PRKAG2: variants seen among roughly 807,000 people sequenced by gnomAD.
PRKAG2 encodes protein kinase AMP-activated non-catalytic subunit gamma 2.
A neutral mutation model predicts 69.6 loss-of-function variants in PRKAG2; 26 were observed. The ratio of observed to expected loss-of-function variants is 0.37; its 90% CI spans 0.27 to 0.52. PRKAG2 has a LOEUF of 0.52. PRKAG2 is among the 20% of genes least tolerant of loss of function. The pLI, the probability that PRKAG2 is intolerant of heterozygous loss-of-function variation, is 0.90. For missense variants in PRKAG2, 557 were observed against 740.0 expected (o/e 0.75, Z 2.87); for synonymous variants, 293 against 285.0 (o/e 1.03, Z -0.28).
chr7:151,709,335 C>T (rs12668080), intron 3 of PRKAG2, among the ~76,000 whole-genome samples: 7,922 of 151,946 alleles, frequency 0.052, 389 homozygotes, highest in East Asian at 0.12. Flanking sequence ...CATTGAGTGA[C>T]GTGTGACAAT....
At chr7:151,669,934 A>ACATACCTGCATGCACACACACCTGCATG (rs1290710345) in intron 4 of PRKAG2, among the ~76,000 whole-genome samples, 1 of 6,360 alleles carries the variant, frequency 1.6e-4, no homozygotes, top group African/African-American at 5.0e-4. Context: ...ACACCTGTGC[A>ACATACCTGCATGCACACACACCTGCATG]CACACTTGCA....
At chr7:151,712,369 G>A (rs1478431441) in intron 3 of PRKAG2, among the ~76,000 whole-genome samples, 1 of 152,212 alleles carries the variant, frequency 6.6e-6, no homozygotes, top group African/African-American at 2.4e-5. Flanking sequence ...CACCGCAGGA[G>A]ACTGGGTCCC....
rs116222525 is a variant in PRKAG2, at chr7:151,659,407, C to T, written c.684+16013G>A. On this transcript the variant is annotated intron_variant, in intron 4 of 15. Transcript: ENST00000287878. ...GTCAGGTTAACAGGGTAAATGCTGACGATGCACTGAGTCTACTGGTTCTAA... is the reference window on the plus strand; with the variant it reads ...GTCAGGTTAACAGGGTAAATGCTGATGATGCACTGAGTCTACTGGTTCTAA... Among the ~76,000 whole-genome samples, 733 of 152,274 alleles carry T rather than the reference C, an allele frequency of 4.8e-3. 4 individuals carry two copies. Among genetic ancestry groups the T allele is most frequent in the Middle Eastern group, 0.017 (5 of 294 alleles).
intron 3 of PRKAG2, among the ~76,000 whole-genome samples, chr7:151,691,461 C>T (rs1159281556): frequency 7.7e-6 from 1 of 130,018 alleles, no homozygotes; most frequent in Non-Finnish European, 1.6e-5. Context: ...AACTCAGTAA[C>T]AACAACAACA....
At chr7:151,573,555 A>G (rs1010001718) in intron 8 of PRKAG2, among the ~76,000 whole-genome samples, 6 of 151,958 alleles carry the variant, frequency 3.9e-5, no homozygotes, top group Non-Finnish European at 7.4e-5. Context: ...TTGATTTCAT[A>G]TTCTACTGCT....
chr7:151,663,413 C>T (rs969937257), intron 4 of PRKAG2, among the ~76,000 whole-genome samples: 14 of 152,202 alleles, frequency 9.2e-5, no homozygotes, highest in Non-Finnish European at 1.6e-4. Context: ...TCTCAGTCCT[C>T]TCGCCCAGGC....
intron 1 of PRKAG2, among the ~76,000 whole-genome samples, chr7:151,795,834 T>A: frequency 8.1e-6 from 1 of 124,136 alleles, no homozygotes; most frequent in Non-Finnish European, 1.6e-5. Flanking sequence ...GTCAATTCTT[T>A]CAAACAAATC....
intron 3 of PRKAG2, among the ~76,000 whole-genome samples, chr7:151,686,362 C>G (rs755049064): frequency 6.6e-6 from 1 of 152,138 alleles, no homozygotes; most frequent in Non-Finnish European, 1.5e-5. Flanking sequence ...TCATGTGGTC[C>G]GAGTGCCTCC....
intron 1 of PRKAG2, among the ~76,000 whole-genome samples, chr7:151,842,164 G>A (rs2079314657): frequency 4.8e-5 from 7 of 146,570 alleles, no homozygotes; most frequent in Admixed American, 4.7e-4. Flanking sequence ...AGTGATGGTA[G>A]TGATGGTAGG....
rs180705588 is a variant in PRKAG2 at position 151,649,795 on chromosome 7, C to T, written c.685-17657G>A. 4.3e-3 allele frequency among the ~76,000 whole-genome samples: 650 copies of T among 152,180 alleles called. 6 individuals carry two copies. Among genetic ancestry groups the T allele is most frequent in the African/African-American group, 0.015 (604 of 41,516 alleles). Reference sequence around the variant, plus strand: ...ATTTTACTGAAGCCTCCAGAGAAGCCGAGCGGATACCAGCATCATGCTTCC... The same window carrying T: ...ATTTTACTGAAGCCTCCAGAGAAGCTGAGCGGATACCAGCATCATGCTTCC... On this transcript the variant is annotated intron_variant, in intron 4 of 15. Coordinates refer to ENST00000287878, the MANE Select transcript of PRKAG2 (RefSeq NM_016203.4).
chr7:151,569,191 C>T (rs1806973806), intron 10 of PRKAG2, among the ~76,000 whole-genome samples: 1 of 152,154 alleles, frequency 6.6e-6, no homozygotes. Flanking sequence ...GCTGGGACTA[C>T]AGGCATGCGC....
At chr7:151,827,257 G>T (rs1026947542) in intron 1 of PRKAG2, among the ~76,000 whole-genome samples, 2 of 152,018 alleles carry the variant, frequency 1.3e-5, no homozygotes, top group Non-Finnish European at 1.5e-5. Flanking sequence ...ATTTATTTTT[G>T]AGACAGGGTC....
chr7:151,697,511 A>G lies in PRKAG2; in HGVS notation c.467-21874T>C, dbSNP rs565973104. 1.4e-4 allele frequency among the ~76,000 whole-genome samples: 22 copies of G among 152,212 alleles called. 1 individual carries two copies. The South Asian group carries it at 4.6e-3, about 32-fold the overall frequency. On this transcript the variant is annotated intron_variant, in intron 3 of 15. Transcript: ENST00000287878. The stretch of plus-strand genomic sequence containing the variant: ...CGCCGCTGGAAGTGAGGGTCACAGG[A>G]AAGGGGAAGCCCCGGAGCCCCTGGT...
At position 151,632,630 on chromosome 7, in the gene PRKAG2, G is replaced by T; in HGVS notation, c.685-492C>A. The T allele has an allele frequency of 1.0e-6, 1 of 984,586 alleles. No individual in the cohort carries two copies. Among genetic ancestry groups the T allele is most frequent in the Non-Finnish European group, 1.2e-6 (1 of 829,270 alleles). 61.0% of individuals were successfully genotyped at this position (984,586 alleles called of 1,614,324 possible). A position where few individuals can be genotyped will look rare whatever the true frequency, so the allele number is the denominator to read the frequency against. On this transcript the variant is annotated intron_variant, in intron 4 of 15. Transcript: ENST00000287878. The surrounding 1 kb of genome is among the most constrained non-coding windows in gnomAD (Gnocchi z 4.2). The stretch of plus-strand genomic sequence containing the variant: ...CACCTGCGCAGGTGTGGGCTCCGCG[G>T]CGCGGGGAGGGGGAGAGGGGCTGGA...
chr7:151,860,935 C>T (rs1028732138), intron 1 of PRKAG2, among the ~76,000 whole-genome samples: 3 of 152,162 alleles, frequency 2.0e-5, no homozygotes, highest in African/African-American at 7.2e-5. Context: ...TATTCTGCTT[C>T]TAGGTAGAGC....
chr7:151,600,147 C>T (rs1467845538), intron 5 of PRKAG2, among the ~76,000 whole-genome samples: 3 of 152,146 alleles, frequency 2.0e-5, no homozygotes, highest in Admixed American at 6.5e-5. Flanking sequence ...CTCCTTCCCT[C>T]GGCCCGCCAC....
chr7:151,788,495 A>G lies in PRKAG2; in HGVS notation c.115-1954T>C, dbSNP rs983256836. 6.6e-6 allele frequency among the ~76,000 whole-genome samples: 1 copy of G among 152,222 alleles called. No individual in the cohort carries two copies. Among genetic ancestry groups the G allele is most frequent in the African/African-American group, 2.4e-5 (1 of 41,460 alleles). On this transcript the variant is annotated intron_variant, in intron 1 of 15. Coordinates refer to ENST00000287878, the MANE Select transcript of PRKAG2 (RefSeq NM_016203.4). The surrounding 1 kb of genome is among the most constrained non-coding windows in gnomAD (Gnocchi z 4.6). The stretch of plus-strand genomic sequence containing the variant: ...GTCTATCTTGTTTGGAGAAATGTCT[A>G]TTCAACTCCTTTGCCCATTTTTTAA...
chr7:151,796,216 T>G (rs2077527839), intron 1 of PRKAG2, among the ~76,000 whole-genome samples: 1 of 151,976 alleles, frequency 6.6e-6, no homozygotes. Flanking sequence ...CAGCCTTCGC[T>G]GCATAGACGG....
chr7:151,704,792 C>A (rs182609256), intron 3 of PRKAG2, among the ~76,000 whole-genome samples: 7 of 152,332 alleles, frequency 4.6e-5, no homozygotes, highest in African/African-American at 1.7e-4. Context: ...TCCCGGGGCG[C>A]CACGGCTTGG....
Sources: allele counts gnomAD v4.1 joint callset (sites outside exome capture counted in the v4.1 genomes callset), GRCh38; gene constraint gnomAD v4.1.1; non-coding constraint Gnocchi (gnomAD v3.1); transcripts MANE v1.5; gene names NCBI Gene and HGNC (gene_info 2026-07-23, HGNC 2026-07-21).